Variants in TARBP1 observed in about 807,000 individuals in gnomAD.
The protein encoded by TARBP1 is tRNA (guanosine(18)-2'-O)-methyltransferase TARBP1.
TARBP1 carries 144 observed loss-of-function variants against 178.6 expected under a neutral mutation model. The ratio of observed to expected loss-of-function variants is 0.81; its 90% CI spans 0.70 to 0.93. TARBP1 has a LOEUF of 0.93. Among genes scored for constraint, TARBP1 ranks in the 40% least tolerant of loss-of-function variants. The probability of loss-of-function intolerance (pLI) is 0.00; values close to 1 mark genes in which losing one functional copy is unlikely to be tolerated. For synonymous variants in TARBP1, 787 were observed against 781.0 expected (o/e 1.01, Z -0.13); for missense variants, 2,067 against 2,011.7 (o/e 1.03, Z -0.53).
intron 28 of TARBP1, among the ~76,000 whole-genome samples, chr1:234,392,952 C>T (rs1415308972): frequency 1.3e-5 from 2 of 152,112 alleles, no homozygotes; most frequent in Non-Finnish European, 2.9e-5. Context: ...ATCTCCTGAG[C>T]TTGTGATCCG....
At chr1:234,392,318 AGAGT>A (rs1346374527) in intron 29 of TARBP1, 94 bp downstream of exon 29, 1 of 1,434,586 alleles carries the variant, frequency 7.0e-7, no homozygotes. Context: ...CCTGGGCTAC[AGAGT>A]GAGACTCCGT....
In TARBP1 at chr1:234,478,238, T is replaced by G; in HGVS notation, c.866A>C (p.Gln289Pro). 6.2e-7 allele frequency: 1 copy of G among 1,611,090 alleles called. No homozygotes were observed. ...LTRKRARYLL[Q>P]RAVEVSAELG... Reference sequence around the variant, plus strand: ...CTCCGCCGACACCTCCACCGCCCTCTGCAGCAGGTAGCGCGCTCGCTTGCG... The same window carrying G: ...CTCCGCCGACACCTCCACCGCCCTCGGCAGCAGGTAGCGCGCTCGCTTGCG... Residue 289 changes from glutamine (Q) to proline (P), a missense_variant, in exon 1 of 30, where the codon CAG (glutamine) becomes CCG (proline). Physicochemically the swap from Gln to Pro is moderately conservative, Grantham distance 76. Coordinates refer to ENST00000040877, the MANE Select transcript of TARBP1 (RefSeq NM_005646.4).
intron 19 of TARBP1, 24 bp from the exon 20 acceptor site, chr1:234,425,817 A>G: frequency 6.8e-7 from 1 of 1,472,844 alleles, no homozygotes; most frequent in Non-Finnish European, 9.3e-7. Flanking sequence ...ATGATAAATT[A>G]TGTTAATACA....
intron 12 of TARBP1, among the ~76,000 whole-genome samples, chr1:234,441,692 T>G (rs1421435465): frequency 2.0e-5 from 3 of 152,174 alleles, no homozygotes; most frequent in Admixed American, 6.5e-5. Context: ...TCATACCCTT[T>G]AAATCATCGG....
rs778907840 is a variant in TARBP1 at position 234,479,071 on chromosome 1, C to T, written c.33G>A (p.Ser11=). The T allele has an allele frequency of 3.9e-6, 6 of 1,539,752 alleles. No homozygotes were observed. The highest frequency in any genetic ancestry group is 5.3e-5 in the East Asian group (2 of 37,404). The change falls in exon 1 of 30, where the codon TCG becomes TCA. Residue 11 remains serine, a synonymous_variant. Transcript: ENST00000040877. ...GCAGGGCCCGGGGGTCCCGGCTCTGCGAGAGCAGCGCTTCCGCGAGCACCC... is the reference window on the plus strand; with the variant it reads ...GCAGGGCCCGGGGGTCCCGGCTCTGTGAGAGCAGCGCTTCCGCGAGCACCC... The part of the protein sequence containing the change: MEWVLAEALL[S]QSRDPRALLG...
In TARBP1 at chr1:234,439,578, C is replaced by G. The variant is rs186317721; in HGVS notation, c.2135-2206G>C. Among the ~76,000 whole-genome samples the G allele has an allele frequency of 1.1e-4, 17 of 152,296 alleles. No homozygotes were observed. The East Asian group carries it at 3.3e-3, about 29-fold the overall frequency. ...TGGTGGCTCATGCCTGTAATCTTAG[C>G]ACTTTGGGAGGCCAAGGTGGTTGAA... On this transcript the variant is annotated intron_variant, in intron 12 of 29. Coordinates refer to ENST00000040877, the MANE Select transcript of TARBP1 (RefSeq NM_005646.4).
chr1:234,473,108 C>G (rs936327043), intron 1 of TARBP1, among the ~76,000 whole-genome samples: 8 of 152,006 alleles, frequency 5.3e-5, no homozygotes, highest in Non-Finnish European at 8.8e-5. Context: ...GGCAAAACCC[C>G]AAAAGAATGG....
At position 234,391,534 on chromosome 1, in the gene TARBP1, A is replaced by T. The variant is rs6870; in HGVS notation, c.*43T>A. On this transcript the variant is annotated 3_prime_UTR_variant, in exon 30 of 30. Transcript: ENST00000040877. ...TTCTTTAGTCCAAATAGTTTTTTTT[A>T]AAAAAGTCTGAACAGCAGCAGCAGT... 5,376 of 1,523,804 alleles carry T rather than the reference A, an allele frequency of 3.5e-3. 156 individuals carry two copies. In the African/African-American group the frequency reaches 0.064, roughly 18 times the overall value. The allele number at this position is 1,523,804 out of a possible 1,614,324, so 94.4% of individuals were successfully genotyped here.
In TARBP1 at chr1:234,393,795, T is replaced by C. The variant is rs1193243958; in HGVS notation, c.4286A>G (p.Asp1429Gly). ...VEADNQAEWT[D>G]VQKKIIPWNS... is the part of the protein sequence containing the mutation. ...CCACGGGATAATCTTCTTCTGAACG[T>C]CGGTCCACTCCGCTTGGTTATCTGC... Residue 1429 changes from aspartate to glycine, a missense_variant, in exon 27 of 30, where the codon GAC becomes GGC. By Grantham distance (94) the Asp-to-Gly change is moderately conservative. Coordinates refer to ENST00000040877, the MANE Select transcript of TARBP1 (RefSeq NM_005646.4). The C allele has an allele frequency of 1.2e-6, 2 of 1,613,772 alleles. No homozygotes were observed. The highest frequency in any genetic ancestry group is 1.7e-6 in the Non-Finnish European group (2 of 1,179,908).
At chr1:234,444,157 A>G in intron 12 of TARBP1, among the ~76,000 whole-genome samples, 1 of 152,304 alleles carries the variant, frequency 6.6e-6, no homozygotes, top group Non-Finnish European at 1.5e-5. Context: ...AACTATGTAT[A>G]AAAACCTACG....
At chr1:234,393,533 T>A in intron 27 of TARBP1, 47 bp from the exon 28 acceptor site, 2 of 1,572,224 alleles carry the variant, frequency 1.3e-6, no homozygotes, top group Non-Finnish European at 1.7e-6. Context: ...AGCACAATGC[T>A]AAGCTCATCA....
At chr1:234,458,502 G>A (rs1234604091) in intron 8 of TARBP1, among the ~76,000 whole-genome samples, 1 of 152,170 alleles carries the variant, frequency 6.6e-6, no homozygotes, top group African/African-American at 2.4e-5. Flanking sequence ...AGCCTGTTTT[G>A]TAAATAGTTT....
intron 6 of TARBP1, among the ~76,000 whole-genome samples, chr1:234,461,570 G>T (rs1212562980): frequency 6.6e-6 from 1 of 152,006 alleles, no homozygotes; most frequent in Admixed American, 6.5e-5. Context: ...GCCTCCCAAA[G>T]TGCTGAGACT....
At chr1:234,454,273 G>A (rs542976761) in intron 9 of TARBP1, among the ~76,000 whole-genome samples, 22 of 152,098 alleles carry the variant, frequency 1.4e-4, no homozygotes, top group Admixed American at 2.6e-4. Context: ...TTGAATACCT[G>A]AACAAACAAA....
chr1:234,453,889 A>T (rs947909936), intron 9 of TARBP1, among the ~76,000 whole-genome samples: 1 of 152,194 alleles, frequency 6.6e-6, no homozygotes, highest in African/African-American at 2.4e-5. Flanking sequence ...GGAGATGTGC[A>T]ATACATAGTT....
At chr1:234,403,174 C>G (rs561037390) in intron 24 of TARBP1, among the ~76,000 whole-genome samples, 21 of 152,290 alleles carry the variant, frequency 1.4e-4, no homozygotes, top group Admixed American at 6.5e-4. Context: ...CAACCCAAGC[C>G]TGGCCCTGGC....
At chr1:234,475,019 T>G (rs1440674642) in intron 1 of TARBP1, among the ~76,000 whole-genome samples, 1 of 152,248 alleles carries the variant, frequency 6.6e-6, no homozygotes, top group Non-Finnish European at 1.5e-5. Flanking sequence ...CAAAAAGCAG[T>G]TTTAAAAATG....
chr1:234,396,461 G>A (rs916802237), intron 26 of TARBP1, among the ~76,000 whole-genome samples: 18 of 152,128 alleles, frequency 1.2e-4, no homozygotes, highest in African/African-American at 3.4e-4. Flanking sequence ...CTCACCCTCC[G>A]TCCCTCTCTT....
At chr1:234,419,145 C>T (rs972615178) in intron 21 of TARBP1, among the ~76,000 whole-genome samples, 1 of 151,544 alleles carries the variant, frequency 6.6e-6, no homozygotes, top group African/African-American at 2.4e-5. Context: ...TGCACTCCAG[C>T]CTGGGTGAAA....
Sources: allele counts gnomAD v4.1 joint callset (sites outside exome capture counted in the v4.1 genomes callset), GRCh38; gene constraint gnomAD v4.1.1; transcripts MANE v1.5; gene names NCBI Gene and HGNC (gene_info 2026-07-23, HGNC 2026-07-21).